Variants in USP54 observed in about 807,000 individuals in gnomAD.
The protein encoded by USP54 is ubiquitin carboxyl-terminal hydrolase 54.
In USP54, 87 loss-of-function variants were observed where a neutral mutation model predicts 170.5. The observed-to-expected ratio is 0.51, with a 90% CI of 0.43 to 0.61. The LOEUF is 0.61. Among genes scored for constraint, USP54 ranks in the 20% least tolerant of loss-of-function variants. The pLI is 0.00. For missense variants in USP54, 1,786 were observed against 2,047.8 expected (o/e 0.87, Z 2.47); for synonymous variants, 655 against 742.8 (o/e 0.88, Z 1.92).
intron 4 of USP54, among the ~76,000 whole-genome samples, chr10:73,557,969 G>A (rs897403792): frequency 6.6e-5 from 9 of 135,412 alleles, no homozygotes; most frequent in African/African-American, 1.1e-4. Flanking sequence ...TTGCAACCTC[G>A]CCTCCAGGGT....
rs878875688 is a variant in USP54 at position 73,615,609 on chromosome 10, C to CA, written c.-18+9957dup. The stretch of plus-strand genomic sequence containing the variant: ...AATATACACACCTACTATGTATCCA[C>CA]AAAAAAATAAAATATTTTTTTAAAA... On this transcript the variant is annotated intron_variant, in intron 1 of 22. Transcript: ENST00000339859. 2.7e-5 allele frequency among the ~76,000 whole-genome samples: 4 copies of CA among 150,050 alleles called. 1 individual carries two copies. Among genetic ancestry groups the CA allele is most frequent in the African/African-American group, 7.6e-5 (3 of 39,568 alleles).
At chr10:73,502,690 T>C (rs934495298) in intron 22 of USP54, among the ~76,000 whole-genome samples, 6 of 152,202 alleles carry the variant, frequency 3.9e-5, no homozygotes, top group African/African-American at 1.4e-4. Context: ...GTCTCTCTAA[T>C]CTTTTTTTCT....
chr10:73,502,443 G>C (rs2058328067), intron 22 of USP54, among the ~76,000 whole-genome samples: 1 of 152,164 alleles, frequency 6.6e-6, no homozygotes, highest in Non-Finnish European at 1.5e-5. Context: ...TTCCCAAGTA[G>C]CTGGGACTAC....
At chr10:73,528,633 G>A (rs1231826611) in intron 15 of USP54, among the ~76,000 whole-genome samples, 3 of 150,342 alleles carry the variant, frequency 2.0e-5, no homozygotes, top group Non-Finnish European at 4.4e-5. Context: ...GCCATGGCAC[G>A]AGCTCGGCTC....
At chr10:73,543,353 CTG>C (rs2067033139) in intron 5 of USP54, among the ~76,000 whole-genome samples, 1 of 151,762 alleles carries the variant, frequency 6.6e-6, no homozygotes, top group South Asian at 2.1e-4. Flanking sequence ...ACAGTAACAT[CTG>C]TGTTTTTTTT....
intron 16 of USP54, among the ~76,000 whole-genome samples, chr10:73,526,342 G>A (rs1042710765): frequency 1.3e-5 from 2 of 152,126 alleles, no homozygotes; most frequent in Non-Finnish European, 2.9e-5. Flanking sequence ...CCGCCTCCCA[G>A]GTTCAAGCAA....
chr10:73,574,698 A>C, intron 3 of USP54, among the ~76,000 whole-genome samples: 1 of 151,730 alleles, frequency 6.6e-6, no homozygotes, highest in East Asian at 1.9e-4. Flanking sequence ...AATTGCTTGA[A>C]CCCAAGAGGC....
At chr10:73,523,462 G>A (rs2133338824) in intron 17 of USP54, 121 bp downstream of exon 17, 5 of 1,233,496 alleles carry the variant, frequency 4.1e-6, no homozygotes, top group Non-Finnish European at 5.6e-6. Context: ...TGGAATGGGT[G>A]AATTAAGACT....
intron 1 of USP54, chr10:73,614,011 C>T (rs904244070): frequency 2.6e-5 from 4 of 152,070 alleles, no homozygotes; most frequent in Admixed American, 1.3e-4. Flanking sequence ...TCGAGACCAG[C>T]TAGGCCATGG....
At chr10:73,603,831 C>A (rs1313720651) in intron 1 of USP54, among the ~76,000 whole-genome samples, 1 of 151,820 alleles carries the variant, frequency 6.6e-6, no homozygotes, top group Non-Finnish European at 1.5e-5. Context: ...ACAGACATTT[C>A]TCCAAAGAAG....
At chr10:73,619,345 A>G (rs2080902441) in intron 1 of USP54, among the ~76,000 whole-genome samples, 1 of 150,084 alleles carries the variant, frequency 6.7e-6, no homozygotes, top group Non-Finnish European at 1.5e-5. Context: ...CTCTTGCCTC[A>G]GCCTCCTACG....
chr10:73,532,334 A>G (rs1174389309), intron 12 of USP54, among the ~76,000 whole-genome samples: 1 of 151,890 alleles, frequency 6.6e-6, no homozygotes, highest in Non-Finnish European at 1.5e-5. Context: ...CACCACACCC[A>G]GCTAACTTTT....
At position 73,519,868 on chromosome 10, in the gene USP54, T is replaced by C; in HGVS notation, c.2607A>G (p.Gln869=). 6.2e-7 allele frequency: 1 copy of C among 1,614,178 alleles called. No homozygotes were observed. Residue 869 remains glutamine (Q), a synonymous_variant, in exon 19 of 24, where the codon CAA becomes CAG. Coordinates refer to ENST00000687698, the MANE Select transcript of USP54 (RefSeq NM_001391956.1). The part of the protein sequence containing the change: ...RSLQDRMQQQ[Q]SPQQPSQPSA... ...AGGGCTGCGACGGCTGCTGTGGTGA[T>C]TGCTGCTGCTGCATGCGATCCTGCA...
At chr10:73,581,925 A>T (rs1295153753) in intron 1 of USP54, among the ~76,000 whole-genome samples, 1 of 152,248 alleles carries the variant, frequency 6.6e-6, no homozygotes, top group African/African-American at 2.4e-5. Flanking sequence ...GGTGACCTTT[A>T]GAAAAAAACA....
chr10:73,527,837 C>CAAAAAAAAAA (rs1015620084), intron 15 of USP54, among the ~76,000 whole-genome samples: 3 of 43,712 alleles, frequency 6.9e-5, no homozygotes, highest in Non-Finnish European at 1.4e-4. Flanking sequence ...CCATCGATAC[C>CAAAAAAAAAA]AAAAAAAAAA....
chr10:73,602,691 A>G (rs1322434848), intron 1 of USP54, among the ~76,000 whole-genome samples: 2 of 151,280 alleles, frequency 1.3e-5, no homozygotes, highest in Non-Finnish European at 2.9e-5. Flanking sequence ...ACCTGTCTCT[A>G]ATAAAAATAC....
At chr10:73,569,334 G>C (rs563785560) in intron 4 of USP54, among the ~76,000 whole-genome samples, 1 of 152,204 alleles carries the variant, frequency 6.6e-6, no homozygotes, top group African/African-American at 2.4e-5. Flanking sequence ...GTATCTTTCA[G>C]AAAATCAGAT....
chr10:73,623,179 G>A (rs772818720), intron 1 of USP54, among the ~76,000 whole-genome samples: 1 of 151,962 alleles, frequency 6.6e-6, no homozygotes, highest in Non-Finnish European at 1.5e-5. Context: ...GGGTAACATA[G>A]CCAGACCAGC....
At chr10:73,563,717 G>A (rs563156582) in intron 4 of USP54, among the ~76,000 whole-genome samples, 9 of 152,234 alleles carry the variant, frequency 5.9e-5, no homozygotes, top group African/African-American at 1.2e-4. Flanking sequence ...GATTACAGGC[G>A]TGAGCCACCG....
Sources: allele counts gnomAD v4.1 joint callset (sites outside exome capture counted in the v4.1 genomes callset), GRCh38; gene constraint gnomAD v4.1.1; transcripts MANE v1.5; gene names NCBI Gene and HGNC (gene_info 2026-07-23, HGNC 2026-07-21).